RHBDD1: variants seen among roughly 807,000 people sequenced by gnomAD.
RHBDD1 encodes rhomboid-related protein 4.
A neutral mutation model predicts 36.3 loss-of-function variants in RHBDD1; 38 were observed. The ratio of observed to expected loss-of-function variants is 1.05; its 90% CI spans 0.81 to 1.37. The LOEUF (loss-of-function observed/expected upper bound fraction) is 1.37. Among genes scored for constraint, RHBDD1 ranks in the 40% most tolerant of loss-of-function variants. The pLI is 0.00. For synonymous variants in RHBDD1, 151 were observed against 136.5 expected, an observed-to-expected ratio of 1.11 and a Z score of -0.74; for missense variants, 393 against 377.6, an observed-to-expected ratio of 1.04 and a Z score of -0.34.
At chr2:226,909,833 G>A (rs1948392036) in intron 7 of RHBDD1, among the ~76,000 whole-genome samples, 1 of 152,162 alleles carries the variant, frequency 6.6e-6, no homozygotes, top group Non-Finnish European at 1.5e-5. Context: ...GTTTGTTATA[G>A]CATCCCAAAT....
intron 7 of RHBDD1, among the ~76,000 whole-genome samples, chr2:226,912,401 A>C (rs1189934062): frequency 5.9e-5 from 9 of 152,192 alleles, no homozygotes; most frequent in African/African-American, 2.2e-4. Flanking sequence ...AAACTTGCTC[A>C]CAAATGTTTA....
intron 3 of RHBDD1, among the ~76,000 whole-genome samples, chr2:226,863,003 C>T (rs989760168): frequency 6.6e-6 from 1 of 152,188 alleles, no homozygotes; most frequent in African/African-American, 2.4e-5. Flanking sequence ...GGATATTCCC[C>T]CATGACCCAA....
the RHBDD1 span, among the ~76,000 whole-genome samples, chr2:226,801,805 T>A: frequency 2.6e-5 from 4 of 152,168 alleles, no homozygotes; most frequent in Admixed American, 6.5e-5. Context: ...AGTGTAACTG[T>A]GTGCCTGGTT....
At chr2:226,804,359 G>A in the RHBDD1 span, 1 of 152,088 alleles carries the variant, frequency 6.6e-6, no homozygotes, top group South Asian at 2.1e-4. Context: ...AGAATCATTG[G>A]CTTAAACACA....
chr2:226,869,841 T>C (rs1041633084), intron 5 of RHBDD1, among the ~76,000 whole-genome samples: 2 of 152,320 alleles, frequency 1.3e-5, no homozygotes, highest in Admixed American at 6.5e-5. Flanking sequence ...TGATAGGTGA[T>C]AGTGTCTGAA....
At chr2:226,918,296 C>T (rs994439319) in intron 8 of RHBDD1, among the ~76,000 whole-genome samples, 1 of 151,914 alleles carries the variant, frequency 6.6e-6, no homozygotes, top group Non-Finnish European at 1.5e-5. Flanking sequence ...TCCATCACCT[C>T]AAGCATTTGT....
At chr2:226,954,086 G>A (rs1951618051) in intron 8 of RHBDD1, among the ~76,000 whole-genome samples, 1 of 152,158 alleles carries the variant, frequency 6.6e-6, no homozygotes, top group African/African-American at 2.4e-5. Context: ...TCGAATACCT[G>A]CCATGTTTCC....
intron 6 of RHBDD1, 163 bp from the exon 7 acceptor site, chr2:226,908,659 A>AACT (rs1309149389): frequency 3.2e-6 from 2 of 625,548 alleles, no homozygotes; most frequent in Non-Finnish European, 5.8e-6. Flanking sequence ...ACTCTTTTCC[A>AACT]GTTAGGGCTG....
intron 7 of RHBDD1, among the ~76,000 whole-genome samples, chr2:226,909,662 G>A (rs1328150311): frequency 6.6e-6 from 1 of 152,132 alleles, no homozygotes; most frequent in African/African-American, 2.4e-5. Context: ...AGCGACCTCA[G>A]AGAGCTCTCT....
intron 8 of RHBDD1, among the ~76,000 whole-genome samples, chr2:226,921,169 A>C (rs1158296374): frequency 6.6e-6 from 1 of 152,112 alleles, no homozygotes; most frequent in Non-Finnish European, 1.5e-5. Flanking sequence ...GTAGCCTTTA[A>C]CAGTCCTTTG....
intron 8 of RHBDD1, among the ~76,000 whole-genome samples, chr2:226,982,384 T>C (rs1189534767): frequency 3.3e-5 from 5 of 152,356 alleles, no homozygotes; most frequent in African/African-American, 1.2e-4. Flanking sequence ...GGATTGTTTT[T>C]GTAATTATGC....
chr2:226,815,417 G>C, the RHBDD1 span, among the ~76,000 whole-genome samples: 6 of 152,016 alleles, frequency 3.9e-5, no homozygotes, highest in Non-Finnish European at 8.8e-5. Context: ...TATGTAGTTT[G>C]GAGATTCTCT....
At chr2:226,818,751 A>T in the RHBDD1 span, among the ~76,000 whole-genome samples, 1 of 151,970 alleles carries the variant, frequency 6.6e-6, no homozygotes, top group African/African-American at 2.4e-5. Flanking sequence ...AGGCAGGAGA[A>T]TCGCTTGAAC....
Position 226,995,505 on chromosome 2 carries a change from A to C in RHBDD1, c.931A>C (p.Arg311=). The stretch of plus-strand genomic sequence containing the variant: ...AGAAATGAGGAGACAGCGGCTTCAC[A>C]GATTCGATAGCCAGTGAGGTGGCAT... The part of the protein sequence containing the change: ...PEEMRRQRLH[R]FDSQ Residue 311 remains arginine (R), a synonymous_variant, in exon 9 of 9, where the codon AGA becomes CGA. Transcript: ENST00000392062. 6.2e-7 allele frequency: 1 copy of C among 1,610,946 alleles called. No homozygotes were observed. Among genetic ancestry groups the C allele is most frequent in the Non-Finnish European group, 8.5e-7 (1 of 1,178,084 alleles).
At chr2:226,802,708 G>A in the RHBDD1 span, among the ~76,000 whole-genome samples, 1 of 152,192 alleles carries the variant, frequency 6.6e-6, no homozygotes, top group Non-Finnish European at 1.5e-5. Flanking sequence ...CCATCTATAG[G>A]AGAGTTAGAG....
chr2:226,958,702 C>CTGTGTGTGTGTGTGTGTG (rs10666758), intron 8 of RHBDD1, among the ~76,000 whole-genome samples: 30 of 138,934 alleles, frequency 2.2e-4, no homozygotes, highest in African/African-American at 7.5e-4. Flanking sequence ...AAGGATTTTT[C>CTGTGTGTGTGTGTGTGTG]TGTGTGTGTG....
intron 8 of RHBDD1, among the ~76,000 whole-genome samples, chr2:226,938,443 T>G (rs1004852519): frequency 6.6e-6 from 1 of 152,100 alleles, no homozygotes; most frequent in South Asian, 2.1e-4. Flanking sequence ...AAGGGGGATA[T>G]TGCCACTGAC....
At chr2:226,966,274 A>G (rs1952622453) in intron 8 of RHBDD1, among the ~76,000 whole-genome samples, 2 of 152,188 alleles carry the variant, frequency 1.3e-5, no homozygotes, top group African/African-American at 4.8e-5. Context: ...AATTTGGACC[A>G]TCTGTCCTTG....
intron 8 of RHBDD1, among the ~76,000 whole-genome samples, chr2:226,978,724 T>C (rs1347926076): frequency 6.6e-6 from 1 of 152,144 alleles, no homozygotes; most frequent in Non-Finnish European, 1.5e-5. Flanking sequence ...TGGCATCATG[T>C]GCTGTGAAGG....
Sources: allele counts gnomAD v4.1 joint callset (sites outside exome capture counted in the v4.1 genomes callset), GRCh38; gene constraint gnomAD v4.1.1; transcripts MANE v1.5; gene names NCBI Gene and HGNC (gene_info 2026-07-23, HGNC 2026-07-21).